CSRNP3: variants seen among roughly 807,000 people sequenced by gnomAD.
CSRNP3 encodes cysteine/serine-rich nuclear protein 3.
CSRNP3 carries 12 observed loss-of-function variants against 48.0 expected under a neutral mutation model. The ratio of observed to expected loss-of-function variants is 0.25; its 90% CI spans 0.16 to 0.41. CSRNP3 has a LOEUF of 0.41. CSRNP3 is among the 10% of genes least tolerant of loss of function. CSRNP3 has a pLI of 1.00. For missense variants in CSRNP3, 580 were observed against 724.4 expected, an observed-to-expected ratio of 0.80 and a Z score of 2.29; for synonymous variants, 263 against 269.7, an observed-to-expected ratio of 0.98 and a Z score of 0.24.
At chr2:165,520,771 TATATATATATA>T (rs1459620320) in intron 3 of CSRNP3, among the ~76,000 whole-genome samples, 626 of 58,606 alleles carry the variant, frequency 0.011, 5 homozygotes, top group African/African-American at 0.035. Flanking sequence ...AGAAATATAT[TATATATATATA>T]TTATATATAT....
chr2:165,617,983 G>A (rs1686278771), intron 4 of CSRNP3, among the ~76,000 whole-genome samples: 1 of 152,220 alleles, frequency 6.6e-6, no homozygotes, highest in Non-Finnish European at 1.5e-5. Flanking sequence ...GGGCCCCAGG[G>A]CAGGGTGTAG....
At chr2:165,636,957 T>G (rs1220757606) in intron 4 of CSRNP3, among the ~76,000 whole-genome samples, 2 of 152,202 alleles carry the variant, frequency 1.3e-5, no homozygotes, top group East Asian at 3.9e-4. Context: ...AGCATTCCTA[T>G]TCACAATGTC....
At chr2:165,516,491 A>AG (rs1186243527) in intron 2 of CSRNP3, among the ~76,000 whole-genome samples, 1 of 152,186 alleles carries the variant, frequency 6.6e-6, no homozygotes, top group Non-Finnish European at 1.5e-5. Flanking sequence ...TAACTATATG[A>AG]GGTAGTATAA....
intron 1 of CSRNP3, among the ~76,000 whole-genome samples, chr2:165,484,401 C>T (rs1684085991): frequency 6.6e-6 from 1 of 152,164 alleles, no homozygotes. Context: ...AATAAGGTAT[C>T]ATCTTTTTGG....
At chr2:165,476,772 A>C (rs1352364136) in intron 1 of CSRNP3, among the ~76,000 whole-genome samples, 1 of 152,228 alleles carries the variant, frequency 6.6e-6, no homozygotes, top group African/African-American at 2.4e-5. Flanking sequence ...CTTATCTGTA[A>C]AATTCAGTTA....
intron 3 of CSRNP3, among the ~76,000 whole-genome samples, chr2:165,556,115 A>G (rs1251590421): frequency 6.6e-6 from 1 of 152,146 alleles, no homozygotes; most frequent in Non-Finnish European, 1.5e-5. Flanking sequence ...GATGCTGCTG[A>G]AGGTGCGGAA....
chr2:165,618,754 T>C (rs1489387881), intron 4 of CSRNP3, among the ~76,000 whole-genome samples: 1 of 152,192 alleles, frequency 6.6e-6, no homozygotes, highest in Non-Finnish European at 1.5e-5. Context: ...GGATGAGAAA[T>C]GCTCTAAGGT....
intron 2 of CSRNP3, among the ~76,000 whole-genome samples, chr2:165,496,516 G>A (rs985646823): frequency 1.1e-4 from 16 of 151,976 alleles, no homozygotes; most frequent in African/African-American, 3.4e-4. Context: ...TGGAGAGAAT[G>A]AGTCCACTGG....
chr2:165,598,949 G>A (rs1685854444), intron 4 of CSRNP3, among the ~76,000 whole-genome samples: 1 of 152,056 alleles, frequency 6.6e-6, no homozygotes, highest in Non-Finnish European at 1.5e-5. Flanking sequence ...TTGTAGAAAA[G>A]ATCTGAGAGG....
chr2:165,496,428 A>G (rs1319565709), intron 2 of CSRNP3, among the ~76,000 whole-genome samples: 6 of 152,080 alleles, frequency 3.9e-5, no homozygotes, highest in Non-Finnish European at 8.8e-5. Flanking sequence ...TAAAACGCCT[A>G]GAAGAGTACT....
At chr2:165,496,703 A>G (rs1684287775) in intron 2 of CSRNP3, among the ~76,000 whole-genome samples, 1 of 151,930 alleles carries the variant, frequency 6.6e-6, no homozygotes, top group Non-Finnish European at 1.5e-5. Context: ...CCTAAAAATC[A>G]TCATCAGTTT....
intron 2 of CSRNP3, among the ~76,000 whole-genome samples, chr2:165,508,812 T>G (rs1464088): frequency 0.27 from 41,727 of 152,080 alleles, 5,986 homozygotes; most frequent in East Asian, 0.38. Flanking sequence ...TTTCATAATA[T>G]TACAAGGTAT....
intron 4 of CSRNP3, among the ~76,000 whole-genome samples, chr2:165,646,869 G>A (rs1300167507): frequency 2.6e-5 from 4 of 151,918 alleles, no homozygotes; most frequent in Non-Finnish European, 5.9e-5. Flanking sequence ...ATATGAAGAT[G>A]TTATTCATAT....
At chr2:165,629,714 A>G (rs1262022373) in intron 4 of CSRNP3, among the ~76,000 whole-genome samples, 1 of 152,252 alleles carries the variant, frequency 6.6e-6, no homozygotes, top group African/African-American at 2.4e-5. Context: ...TGTTTGATTC[A>G]GAAATCAAAT....
At chr2:165,519,691 G>T (rs191064678) in intron 3 of CSRNP3, among the ~76,000 whole-genome samples, 1 of 152,246 alleles carries the variant, frequency 6.6e-6, no homozygotes, top group African/African-American at 2.4e-5. Context: ...TGGGGGTATA[G>T]GGTGGATTGC....
intron 4 of CSRNP3, among the ~76,000 whole-genome samples, chr2:165,642,736 A>G (rs1686744695): frequency 6.6e-6 from 1 of 152,000 alleles, no homozygotes; most frequent in African/African-American, 2.4e-5. Flanking sequence ...CTAATTTTGT[A>G]TTTTTAGTAG....
chr2:165,569,548 C>T, intron 3 of CSRNP3, among the ~76,000 whole-genome samples: 1 of 152,126 alleles, frequency 6.6e-6, no homozygotes, highest in African/African-American at 2.4e-5. Context: ...TAAGAGTTGA[C>T]ATAATTTTTT....
intron 4 of CSRNP3, among the ~76,000 whole-genome samples, chr2:165,617,665 C>T (rs372100587): frequency 1.3e-5 from 2 of 152,184 alleles, no homozygotes; most frequent in East Asian, 1.9e-4. Flanking sequence ...ATTTCCTCTC[C>T]GTAGATGATA....
rs1381994361 is a variant in CSRNP3 at position 165,680,151 on chromosome 2, A to T, written c.*398A>T. 2 of 163,420 alleles carry T rather than the reference A, an allele frequency of 1.2e-5. No homozygotes were observed. Among genetic ancestry groups the T allele is most frequent in the Non-Finnish European group, 2.6e-5 (2 of 75,664 alleles). 10.1% of individuals were successfully genotyped at this position (163,420 alleles called of 1,614,324 possible). ...GTCCTAATTTTCAATATATCTGAAG[A>T]TAATGATGACTTTTTAATGTAAAAG... On this transcript the variant is annotated 3_prime_UTR_variant, in exon 7 of 7. Transcript: ENST00000651982.
Sources: gnomAD v4.1 joint callset for allele counts (sites outside exome capture counted in the v4.1 genomes callset) on GRCh38, gnomAD v4.1.1 for gene constraint, MANE v1.5 for transcripts, NCBI Gene and HGNC (gene_info 2026-07-23, HGNC 2026-07-21) for gene names.